FOXP1: variants seen among roughly 807,000 people sequenced by gnomAD.
FOXP1 encodes forkhead box P1.
Under a neutral mutation model 98.2 loss-of-function variants are expected in FOXP1, and 15 were observed. That is an observed-to-expected ratio of 0.15 (90% CI 0.10 to 0.24). The LOEUF (loss-of-function observed/expected upper bound fraction) is 0.24, where lower values mean the gene tolerates loss of function less well. FOXP1 is among the 10% of genes least tolerant of loss of function. The pLI, the probability that FOXP1 is intolerant of heterozygous loss-of-function variation, is 1.00. For synonymous variants in FOXP1, 371 were observed against 314.5 expected (o/e 1.18, Z -1.90); for missense variants, 633 against 848.5 (o/e 0.75, Z 3.15).
intron 19 of FOXP1, chr3:70,966,302 A>G (rs974579774): frequency 1.5e-5 from 8 of 527,106 alleles, no homozygotes; most frequent in African/African-American, 3.8e-5. Context: ...GAAGGACTCA[A>G]TTTGGTCCTG....
Position 70,958,636 on chromosome 3 carries a change from A to C in FOXP1, c.*611T>G, listed in dbSNP as rs1172990450. The stretch of plus-strand genomic sequence containing the variant: ...TTAAAATGGTATAGTAGAAGGAAAA[A>C]AAAAAAAAAAAAAAGCAATACATTA... On this transcript the variant is annotated 3_prime_UTR_variant, in exon 21 of 21. Transcript: ENST00000649528. The C allele has an allele frequency of 4.6e-6, 1 of 215,620 alleles. No individual in the cohort carries two copies. The highest frequency in any genetic ancestry group is 5.8e-5 in the Admixed American group (1 of 17,228). The allele number at this position is 215,620 out of a possible 1,614,324, so 13.4% of individuals were successfully genotyped here.
Position 71,404,038 on chromosome 3 carries a change from C to T in FOXP1, c.-167-44794G>A, listed in dbSNP as rs114971254. Reference sequence around the variant, plus strand: ...TTTCTAAAACAAAGAAGAGATATGGCGATGGCCTACAGATAATTACCTTAG... The same window carrying T: ...TTTCTAAAACAAAGAAGAGATATGGTGATGGCCTACAGATAATTACCTTAG... On this transcript the variant is annotated intron_variant, in intron 3 of 20. Transcript: ENST00000649528. Among the ~76,000 whole-genome samples, 737 of 150,728 alleles carry T rather than the reference C, an allele frequency of 4.9e-3. 4 individuals carry two copies. The highest frequency in any genetic ancestry group is 6.5e-3 in the Non-Finnish European group (444 of 67,800).
At chr3:71,393,441 A>C (rs2081174912) in intron 3 of FOXP1, among the ~76,000 whole-genome samples, 1 of 152,176 alleles carries the variant, frequency 6.6e-6, no homozygotes. Context: ...ACAATTTATA[A>C]TTTTATGTAT....
In FOXP1 at chr3:70,958,020, C is replaced by G. The variant is rs145919846; in HGVS notation, c.*1227G>C. Reference sequence around the variant, plus strand: ...TTTTTTGGCCATTTTGCAAACAAAACCAACCCACACCCGTTATCGCAGAGC... The same window carrying G: ...TTTTTTGGCCATTTTGCAAACAAAAGCAACCCACACCCGTTATCGCAGAGC... On this transcript the variant is annotated 3_prime_UTR_variant, in exon 21 of 21. Coordinates refer to ENST00000649528, the MANE Select transcript of FOXP1 (RefSeq NM_001349338.3). 2 of 238,556 alleles carry G rather than the reference C, an allele frequency of 8.4e-6. No homozygotes were observed. Among genetic ancestry groups the G allele is most frequent in the Admixed American group, 5.5e-5 (1 of 18,220 alleles). The allele number at this position is 238,556 out of a possible 1,614,324, so 14.8% of individuals were successfully genotyped here. A position where few individuals can be genotyped will look rare whatever the true frequency, so the allele number is the denominator to read the frequency against.
At chr3:71,475,613 T>A (rs2089760394) in intron 3 of FOXP1, among the ~76,000 whole-genome samples, 1 of 152,036 alleles carries the variant, frequency 6.6e-6, no homozygotes, top group Non-Finnish European at 1.5e-5. Context: ...GAGGGTGAGG[T>A]GGGCAGATCA....
chr3:70,971,452 C>G (rs1189631839), intron 18 of FOXP1: 1 of 153,812 alleles, frequency 6.5e-6, no homozygotes, highest in African/African-American at 2.4e-5. Flanking sequence ...AAATCTCTAG[C>G]CTCGTAAGGA....
chr3:71,307,438 A>AT (rs2074356215), intron 4 of FOXP1, among the ~76,000 whole-genome samples: 1 of 152,250 alleles, frequency 6.6e-6, no homozygotes, highest in Admixed American at 6.5e-5. Context: ...TTATTATGGC[A>AT]TAACATGGAG....
At chr3:71,034,393 A>C (rs1454000564) in intron 11 of FOXP1, among the ~76,000 whole-genome samples, 1 of 152,062 alleles carries the variant, frequency 6.6e-6, no homozygotes, top group Non-Finnish European at 1.5e-5. Context: ...GGTCAGGGAA[A>C]TCTCAGGTCT....
In FOXP1 at chr3:71,581,705, C is replaced by A. The variant is rs2048182734; in HGVS notation, c.-446-8G>T. On this transcript the variant is annotated splice_region_variant and splice_polypyrimidine_tract_variant and intron_variant, in intron 1 of 20. Transcript: ENST00000649528. ...CTTACAAACTTTCGGGTTCTGCAGTCGACAAGAAACCGGGGCGACCCTCAG... is the reference window on the plus strand; with the variant it reads ...CTTACAAACTTTCGGGTTCTGCAGTAGACAAGAAACCGGGGCGACCCTCAG... The A allele has an allele frequency of 1.0e-6, 1 of 985,786 alleles. No homozygotes were observed. Among genetic ancestry groups the A allele is most frequent in the South Asian group, 4.7e-5 (1 of 21,372 alleles). 61.1% of individuals were successfully genotyped at this position (985,786 alleles called of 1,614,324 possible).
chr3:71,501,292 T>TG (rs371557749), intron 2 of FOXP1, among the ~76,000 whole-genome samples: 30,682 of 126,414 alleles, frequency 0.24, 1,905 homozygotes, highest in Non-Finnish European at 0.32. Flanking sequence ...GAAATGCTTT[T>TG]CTTTTTTTTT....
At position 70,955,895 on chromosome 3, in the gene FOXP1, A is replaced by C. The variant is rs1039628800; in HGVS notation, c.*3352T>G. The C allele has an allele frequency of 8.6e-6, 2 of 233,198 alleles. No homozygotes were observed. Among genetic ancestry groups the C allele is most frequent in the Non-Finnish European group, 1.7e-5 (2 of 118,028 alleles). The allele number at this position is 233,198 out of a possible 1,614,324, so 14.4% of individuals were successfully genotyped here. On this transcript the variant is annotated 3_prime_UTR_variant, in exon 21 of 21. Transcript: ENST00000649528. Reference sequence around the variant, plus strand: ...ATGCTCCAATCAATGAGAACAGAAAAAAGAAATCTTCAACTATGTTACAGT... The same window carrying C: ...ATGCTCCAATCAATGAGAACAGAAACAAGAAATCTTCAACTATGTTACAGT...
chr3:71,085,996 A>G (rs868321104), intron 7 of FOXP1, among the ~76,000 whole-genome samples: 14 of 151,818 alleles, frequency 9.2e-5, no homozygotes, highest in Admixed American at 8.5e-4. Context: ...CCAAAGTGCT[A>G]GGATTACAGG....
intron 3 of FOXP1, among the ~76,000 whole-genome samples, chr3:71,462,139 G>T (rs879448449): frequency 6.6e-6 from 1 of 152,094 alleles, no homozygotes; most frequent in Admixed American, 6.5e-5. Flanking sequence ...AACACTTGCC[G>T]CATAAAATCA....
chr3:71,229,077 C>A (rs1296348069), intron 5 of FOXP1, among the ~76,000 whole-genome samples: 1 of 150,980 alleles, frequency 6.6e-6, no homozygotes. Flanking sequence ...GTTAAGTACA[C>A]CCCTATATTA....
intron 6 of FOXP1, among the ~76,000 whole-genome samples, chr3:71,158,975 G>A (rs766985498): frequency 2.0e-5 from 3 of 151,854 alleles, no homozygotes; most frequent in Admixed American, 6.6e-5. Flanking sequence ...GCAAGATGGC[G>A]CATGCCTTTG....
intron 3 of FOXP1, among the ~76,000 whole-genome samples, chr3:71,472,569 CTCT>C (rs2089460757): frequency 6.6e-6 from 1 of 152,034 alleles, no homozygotes; most frequent in South Asian, 2.1e-4. Flanking sequence ...GAGGGAAGAC[CTCT>C]TCTTATTCTG....
chr3:71,000,532 T>TTCATTCTCTCAAAC (rs1261842412), intron 13 of FOXP1, among the ~76,000 whole-genome samples: 3 of 152,108 alleles, frequency 2.0e-5, no homozygotes, highest in Non-Finnish European at 2.9e-5. Context: ...TTCATTCACA[T>TTCATTCTCTCAAAC]TCATTCTCTC....
At chr3:71,450,462 G>A (rs534377402) in intron 3 of FOXP1, among the ~76,000 whole-genome samples, 25 of 152,290 alleles carry the variant, frequency 1.6e-4, no homozygotes, top group Non-Finnish European at 2.8e-4. Flanking sequence ...TCAGCTGTCC[G>A]ATGCAAATTT....
chr3:71,038,247 A>T (rs1253146870), intron 11 of FOXP1, among the ~76,000 whole-genome samples: 2 of 152,194 alleles, frequency 1.3e-5, no homozygotes, highest in Non-Finnish European at 2.9e-5. Flanking sequence ...TTTTTCCAGC[A>T]AATTTTCCCA....
Sources: gnomAD v4.1 joint callset for allele counts (sites outside exome capture counted in the v4.1 genomes callset) on GRCh38, gnomAD v4.1.1 for gene constraint, MANE v1.5 for transcripts, NCBI Gene and HGNC (gene_info 2026-07-23, HGNC 2026-07-21) for gene names.